Variants in VPS8 observed in about 807,000 individuals in gnomAD.
VPS8 encodes VPS8 subunit of CORVET complex.
In VPS8, 129 loss-of-function variants were observed where a neutral mutation model predicts 216.4. The ratio of observed to expected loss-of-function variants is 0.60; its 90% CI spans 0.52 to 0.69. The LOEUF is 0.69. VPS8 is among the 30% of genes least tolerant of loss of function. The pLI is 0.00. For missense variants in VPS8, 1,531 were observed against 1,683.5 expected, an observed-to-expected ratio of 0.91 and a Z score of 1.59; for synonymous variants, 571 against 565.4, an observed-to-expected ratio of 1.01 and a Z score of -0.14.
At chr3:184,915,157 C>A in intron 27 of VPS8, 104 bp downstream of exon 27, 1 of 1,396,396 alleles carries the variant, frequency 7.2e-7, no homozygotes, top group Non-Finnish European at 1.0e-6. Context: ...GAGCTATCAC[C>A]TGTTGCAGGA....
chr3:184,827,001 A>G (rs981351181), intron 3 of VPS8, among the ~76,000 whole-genome samples: 4 of 152,208 alleles, frequency 2.6e-5, no homozygotes, highest in Non-Finnish European at 5.9e-5. Flanking sequence ...TTCATTTTTT[A>G]AAAACTTGCT....
At chr3:184,861,696 G>T (rs915512964) in intron 15 of VPS8, among the ~76,000 whole-genome samples, 1 of 152,096 alleles carries the variant, frequency 6.6e-6, no homozygotes, top group Non-Finnish European at 1.5e-5. Flanking sequence ...ACCCTTAAAA[G>T]GCTTATTTAC....
At chr3:184,964,689 A>G in intron 38 of VPS8, 132 bp downstream of exon 38, 1 of 461,730 alleles carries the variant, frequency 2.2e-6, no homozygotes, top group Non-Finnish European at 3.7e-6. Flanking sequence ...TTTATCATGC[A>G]TAGCATTAAC....
Position 184,915,372 on chromosome 3 carries a change from T to G in VPS8, c.2280T>G (p.Ile760Met). The change falls in exon 28 of 48, where the codon ATT (isoleucine) becomes ATG (methionine). Residue 760 changes from isoleucine (I) to methionine (M), a missense_variant. Ile to Met is a conservative substitution (Grantham distance 10). Around this residue, in one of 3 missense-constraint regions of VPS8, gnomAD observed 1,318 missense variants for 1,468.4 expected, o/e 0.90. Coordinates refer to ENST00000625842, the MANE Select transcript of VPS8 (RefSeq NM_001009921.3). Reference sequence around the variant, plus strand: ...ACTTGCAGGTTTTTGAATTTCTAATTCGCCTGCATTCAGCAGAGGCTTCTC... The same window carrying G: ...ACTTGCAGGTTTTTGAATTTCTAATGCGCCTGCATTCAGCAGAGGCTTCTC... ...LVKNQVFEFL[I>M]RLHSAEASPE... 1 of 1,612,220 alleles carries G rather than the reference T, an allele frequency of 6.2e-7. No homozygotes were observed. The highest frequency in any genetic ancestry group is 8.5e-7 in the Non-Finnish European group (1 of 1,179,274).
intron 28 of VPS8, among the ~76,000 whole-genome samples, chr3:184,916,964 T>G (rs1024012874): frequency 1.3e-5 from 2 of 152,300 alleles, no homozygotes; most frequent in Admixed American, 1.3e-4. Context: ...TGTATTATCT[T>G]CATTAGGGGA....
rs146155352 is a variant in VPS8, at chr3:185,028,841, T to C, written c.4056+4452T>C. 1.1e-4 allele frequency among the ~76,000 whole-genome samples: 17 copies of C among 152,356 alleles called. 1 individual carries two copies. The East Asian group carries it at 3.3e-3, about 29-fold the overall frequency. On this transcript the variant is annotated intron_variant, in intron 46 of 47. Coordinates refer to ENST00000625842, the MANE Select transcript of VPS8 (RefSeq NM_001009921.3). ...GGCAGAGCAGTAACCTCATCAGTCT[T>C]GTTTACAGTTGTATCCGTAAGTGTA...
intron 42 of VPS8, among the ~76,000 whole-genome samples, chr3:184,992,256 A>C (rs1298982430): frequency 6.6e-6 from 1 of 152,194 alleles, no homozygotes; most frequent in Admixed American, 6.5e-5. Flanking sequence ...GTAACTCTTA[A>C]CAGTACCAAG....
intron 34 of VPS8, among the ~76,000 whole-genome samples, chr3:184,931,212 C>T (rs1740622257): frequency 6.6e-6 from 1 of 152,118 alleles, no homozygotes; most frequent in African/African-American, 2.4e-5. Context: ...ACTCCTTACC[C>T]CAGAATCCAA....
chr3:185,052,185 A>G lies in VPS8; in HGVS notation c.*160A>G, dbSNP rs933892268. 3 of 666,950 alleles carry G rather than the reference A, an allele frequency of 4.5e-6. No homozygotes were observed. The African/African-American group carries it at 5.6e-5, about 12-fold the overall frequency. 41.3% of individuals were successfully genotyped at this position (666,950 alleles called of 1,614,324 possible). A position where few individuals can be genotyped will look rare whatever the true frequency, so the allele number is the denominator to read the frequency against. ...CCAGAGCGTCCACAGCACCATTCCC[A>G]GTGTAGACTCCCAGTCTTCTCCACA... On this transcript the variant is annotated 3_prime_UTR_variant, in exon 48 of 48. Transcript: ENST00000625842.
chr3:184,891,599 A>G (rs1732362419), intron 22 of VPS8, among the ~76,000 whole-genome samples: 1 of 152,220 alleles, frequency 6.6e-6, no homozygotes, highest in African/African-American at 2.4e-5. Flanking sequence ...GTGTATTCAC[A>G]GCTGTGTAAG....
intron 46 of VPS8, among the ~76,000 whole-genome samples, chr3:185,027,937 A>G (rs959827282): frequency 5.9e-5 from 9 of 152,222 alleles, no homozygotes; most frequent in African/African-American, 1.9e-4. Flanking sequence ...TTCAATATAC[A>G]TATCTCAAAT....
chr3:184,977,884 C>CTTTTTTTTTTTT (rs55727843), intron 40 of VPS8, among the ~76,000 whole-genome samples: 1 of 131,288 alleles, frequency 7.6e-6, no homozygotes, highest in Non-Finnish European at 1.6e-5. Flanking sequence ...TTTCTTTTTT[C>CTTTTTTTTTTTT]TTTTTTTTTT....
At chr3:184,834,765 T>C in intron 5 of VPS8, 23 bp downstream of exon 5, 1 of 1,530,912 alleles carries the variant, frequency 6.5e-7, no homozygotes, top group Non-Finnish European at 8.8e-7. Context: ...TTCTTTTCCC[T>C]CAACTTTGTA....
intron 36 of VPS8, among the ~76,000 whole-genome samples, chr3:184,956,175 T>A (rs560330448): frequency 6.6e-6 from 1 of 152,210 alleles, no homozygotes; most frequent in African/African-American, 2.4e-5. Flanking sequence ...AGCTTCTTAT[T>A]AGTAAAAGTA....
rs766766232 is a variant in VPS8 at position 184,824,705 on chromosome 3, A to G, written c.73A>G (p.Lys25Glu). 3 of 1,613,944 alleles carry G rather than the reference A, an allele frequency of 1.9e-6. No individual in the cohort carries two copies. The highest frequency in any genetic ancestry group is 2.5e-6 in the Non-Finnish European group (3 of 1,179,842). ...CAAGACGAGCGAAGAAGAGCTGAATAAGTCTTTCAATCTAGAAGCTTCACT... is the reference window on the plus strand; with the variant it reads ...CAAGACGAGCGAAGAAGAGCTGAATGAGTCTTTCAATCTAGAAGCTTCACT... Reference protein sequence around the residue: ...CAKTSEEELNKSFNLEASLSK... With the variant: ...CAKTSEEELNESFNLEASLSK... The change falls in exon 2 of 48, where the codon AAG becomes GAG. Residue 25 changes from lysine to glutamate, a missense_variant. Around this residue, in one of 3 missense-constraint regions of VPS8, gnomAD observed 199 missense variants for 182.2 expected, o/e 1.09. Transcript: ENST00000625842.
At chr3:184,916,136 A>G (rs1271265235) in intron 28 of VPS8, among the ~76,000 whole-genome samples, 1 of 152,222 alleles carries the variant, frequency 6.6e-6, no homozygotes, top group Non-Finnish European at 1.5e-5. Flanking sequence ...TAGTGATGAT[A>G]GTAAAAATAG....
At chr3:184,915,518 G>A (rs957009567) in intron 28 of VPS8, 44 bp downstream of exon 28, 11 of 1,591,212 alleles carry the variant, frequency 6.9e-6, no homozygotes, top group South Asian at 1.1e-5. Context: ...AGAAGACAGA[G>A]CAATAATTTT....
chr3:184,900,356 C>T (rs1362753617), intron 24 of VPS8, among the ~76,000 whole-genome samples: 4 of 152,120 alleles, frequency 2.6e-5, no homozygotes, highest in East Asian at 3.9e-4. Context: ...GGGGGTAGCA[C>T]GTAGTTAGGT....
At chr3:184,964,081 TTTA>T (rs1746985937) in intron 37 of VPS8, among the ~76,000 whole-genome samples, 1 of 152,094 alleles carries the variant, frequency 6.6e-6, no homozygotes, top group Non-Finnish European at 1.5e-5. Flanking sequence ...TTTATTAATT[TTTA>T]TTAATATTTC....
Sources: gnomAD v4.1 joint callset for allele counts (sites outside exome capture counted in the v4.1 genomes callset) on GRCh38, gnomAD v4.1.1 for gene constraint, gnomAD v4.1.1 regional missense constraint, MANE v1.5 for transcripts, NCBI Gene and HGNC (gene_info 2026-07-23, HGNC 2026-07-21) for gene names.